USPL1: variants seen among roughly 807,000 people sequenced by gnomAD.
The protein encoded by USPL1 is SUMO-specific isopeptidase USPL1.
A neutral mutation model predicts 51.5 loss-of-function variants in USPL1; 27 were observed. That is an observed-to-expected ratio of 0.52 (90% CI 0.39 to 0.72). The LOEUF (loss-of-function observed/expected upper bound fraction) is 0.72. USPL1 is among the 30% of genes least tolerant of loss of function. The pLI is 0.00. For missense variants in USPL1, 1,226 were observed against 1,268.0 expected, an observed-to-expected ratio of 0.97 and a Z score of 0.50; for synonymous variants, 451 against 459.6, an observed-to-expected ratio of 0.98 and a Z score of 0.24.
At chr13:30,649,876 G>A (rs773451954) in intron 7 of USPL1, among the ~76,000 whole-genome samples, 1 of 152,264 alleles carries the variant, frequency 6.6e-6, no homozygotes, top group East Asian at 1.9e-4. Flanking sequence ...GATGTCTCTT[G>A]TTCTCTTTTG....
intron 7 of USPL1, among the ~76,000 whole-genome samples, chr13:30,650,303 A>C (rs1163313994): frequency 6.6e-6 from 1 of 152,070 alleles, no homozygotes; most frequent in Non-Finnish European, 1.5e-5. Flanking sequence ...CTGGCCGGGC[A>C]TGGTGGCTTA....
chr13:30,658,708 T>C lies in USPL1; in HGVS notation c.2631T>C (p.His877=), dbSNP rs1191702809. The C allele has an allele frequency of 1.9e-5, 31 of 1,614,074 alleles. No homozygotes were observed. Among genetic ancestry groups the C allele is most frequent in the Admixed American group, 1.2e-4 (7 of 60,000 alleles). ...GGAATGGTATTTCTTCAGCAAACCA[T>C]GAAGACTTGGTGGAAGGTCAGATTC... ...SYGNGISSAN[H]EDLVEGQIHK... Residue 877 remains histidine (H), a synonymous_variant, in exon 9 of 9, where the codon CAT becomes CAC. Coordinates refer to ENST00000255304, the MANE Select transcript of USPL1 (RefSeq NM_005800.5).
chr13:30,652,551 A>G (rs916666517), intron 7 of USPL1, among the ~76,000 whole-genome samples: 11 of 152,348 alleles, frequency 7.2e-5, no homozygotes, highest in African/African-American at 2.6e-4. Context: ...TTGAAATTAT[A>G]GTTGTCTTGA....
chr13:30,659,270 T>A lies in USPL1; in HGVS notation c.3193T>A (p.Phe1065Ile), dbSNP rs1042575951. Reference sequence around the variant, plus strand: ...GATGAAGACTGATATTTTCGATGAGTTTTTTTCCTCCTCAGCATTAAATGC... The same window carrying A: ...GATGAAGACTGATATTTTCGATGAGATTTTTTCCTCCTCAGCATTAAATGC... Reference protein sequence around the residue: ...SPMKTDIFDEFFSSSALNALA... With the variant: ...SPMKTDIFDEIFSSSALNALA... The change falls in exon 9 of 9, where the codon TTT (phenylalanine) becomes ATT (isoleucine). Residue 1065 changes from phenylalanine (F) to isoleucine (I), a missense_variant. Physicochemically the swap from Phe to Ile is conservative, Grantham distance 21 (BLOSUM62 0). Coordinates refer to ENST00000255304, the MANE Select transcript of USPL1 (RefSeq NM_005800.5). 4.3e-6 allele frequency: 7 copies of A among 1,613,976 alleles called. No homozygotes were observed. The African/African-American group carries it at 9.3e-5, about 22-fold the overall frequency.
chr13:30,659,584 T>G lies in USPL1; in HGVS notation c.*228T>G. 1 of 414,708 alleles carries G rather than the reference T, an allele frequency of 2.4e-6. No individual in the cohort carries two copies. The highest frequency in any genetic ancestry group is 4.1e-5 in the Admixed American group (1 of 24,492). 25.7% of individuals were successfully genotyped at this position (414,708 alleles called of 1,614,324 possible). On this transcript the variant is annotated 3_prime_UTR_variant, in exon 9 of 9. Coordinates refer to ENST00000255304, the MANE Select transcript of USPL1 (RefSeq NM_005800.5). ...TGGTTTCATTTTGTTCTTGTGAGAG[T>G]ATGAGGATTTCAAAATGTTAAAGAT...
intron 8 of USPL1, among the ~76,000 whole-genome samples, chr13:30,655,032 G>T (rs574371913): frequency 1.3e-5 from 2 of 151,562 alleles, no homozygotes; most frequent in South Asian, 2.1e-4. Context: ...TCTGCCTCCC[G>T]GGTTCAAGTG....
At position 30,653,315 on chromosome 13, in the gene USPL1, T is replaced by G; in HGVS notation, c.1396+10T>G. On this transcript the variant is annotated intron_variant, in intron 8 of 8. Transcript: ENST00000255304. ...ATTTTAGATGCTGATGGTAAGTGTT[T>G]AGAGGTTTTCTTTTAAGATAATTGG... The G allele has an allele frequency of 1.9e-6, 3 of 1,560,290 alleles. No individual in the cohort carries two copies. The highest frequency in any genetic ancestry group is 1.9e-5 in the Admixed American group (1 of 54,052).
chr13:30,640,805 C>A (rs540062924), intron 5 of USPL1, among the ~76,000 whole-genome samples: 1 of 152,268 alleles, frequency 6.6e-6, no homozygotes, highest in East Asian at 1.9e-4. Context: ...ATAGAATATG[C>A]TTAGGGTTAG....
intron 5 of USPL1, among the ~76,000 whole-genome samples, chr13:30,642,277 A>G (rs1168225219): frequency 3.6e-5 from 4 of 109,844 alleles, no homozygotes; most frequent in Non-Finnish European, 5.4e-5. Flanking sequence ...TTGTTTTAAT[A>G]TACTCTAAGG....
At chr13:30,641,369 T>A (rs1364152163) in intron 5 of USPL1, among the ~76,000 whole-genome samples, 1 of 152,264 alleles carries the variant, frequency 6.6e-6, no homozygotes, top group Admixed American at 6.5e-5. Flanking sequence ...AGTGAGGCTC[T>A]GTCCAGGGTA....
At chr13:30,621,316 T>A in intron 2 of USPL1, 77 bp downstream of exon 2, 4 of 1,094,466 alleles carry the variant, frequency 3.7e-6, no homozygotes, top group Non-Finnish European at 5.3e-6. Context: ...TCAATTTTGA[T>A]GTTACCAGTT....
intron 7 of USPL1, among the ~76,000 whole-genome samples, chr13:30,649,144 G>A (rs900674244): frequency 6.6e-6 from 1 of 152,198 alleles, no homozygotes; most frequent in African/African-American, 2.4e-5. Flanking sequence ...AATGGAAAAT[G>A]TGTTTTGAGT....
rs1245171134 is a variant in USPL1 at position 30,642,758 on chromosome 13, G to T, written c.1112+1G>T. On this transcript the variant is annotated splice_donor_variant, in intron 6 of 8. Coordinates refer to ENST00000255304, the MANE Select transcript of USPL1 (RefSeq NM_005800.5). LOFTEE classifies it high-confidence loss of function. Reference sequence around the variant, plus strand: ...AGTGTGGACACCAATATCAAAACAGGTTAGTTTCTTTTGTTTTTTAAAATG... The same window carrying T: ...AGTGTGGACACCAATATCAAAACAGTTTAGTTTCTTTTGTTTTTTAAAATG... The T allele has an allele frequency of 6.2e-7, 1 of 1,605,646 alleles. No individual in the cohort carries two copies. The highest frequency in any genetic ancestry group is 8.5e-7 in the Non-Finnish European group (1 of 1,177,802).
At chr13:30,618,971 G>C (rs1174707266) in intron 1 of USPL1, among the ~76,000 whole-genome samples, 1 of 152,130 alleles carries the variant, frequency 6.6e-6, no homozygotes, top group Non-Finnish European at 1.5e-5. Context: ...GAAAGAGGTA[G>C]AGATTTGAGA....
Position 30,621,130 on chromosome 13 carries a change from A to G in USPL1, c.-11A>G. On this transcript the variant is annotated 5_prime_UTR_variant, in exon 2 of 9. Coordinates refer to ENST00000255304, the MANE Select transcript of USPL1 (RefSeq NM_005800.5). ...ATGTCTCAAGTGACATAAATTAGCC[A>G]ATGACTCGGAATGATGGATTCTCCG... 1 of 1,601,868 alleles carries G rather than the reference A, an allele frequency of 6.2e-7. No individual in the cohort carries two copies. Among genetic ancestry groups the G allele is most frequent in the Non-Finnish European group, 8.5e-7 (1 of 1,175,922 alleles).
rs998452720 is a variant in USPL1 at position 30,659,311 on chromosome 13, A to G, written c.3234A>G (p.Thr1078=). The G allele has an allele frequency of 1.9e-6, 3 of 1,609,988 alleles. No homozygotes were observed. Among genetic ancestry groups the G allele is most frequent in the Admixed American group, 1.7e-5 (1 of 59,464 alleles). ...CATTAAATGCTTTAGCAAATGACACATTAGACCTACCTCATTTCGATGAAT... is the reference window on the plus strand; with the variant it reads ...CATTAAATGCTTTAGCAAATGACACGTTAGACCTACCTCATTTCGATGAAT... ...SSALNALAND[T]LDLPHFDEYL... is the part of the protein sequence containing the mutation. The change falls in exon 9 of 9, where the codon ACA becomes ACG. Residue 1078 remains threonine, a synonymous_variant. Coordinates refer to ENST00000255304, the MANE Select transcript of USPL1 (RefSeq NM_005800.5).
In USPL1 at chr13:30,657,793, A is replaced by G; in HGVS notation, c.1716A>G (p.Leu572=). 2 of 1,614,124 alleles carry G rather than the reference A, an allele frequency of 1.2e-6. No individual in the cohort carries two copies. Among genetic ancestry groups the G allele is most frequent in the Non-Finnish European group, 8.5e-7 (1 of 1,180,032 alleles). The change falls in exon 9 of 9, where the codon TTA becomes TTG. Residue 572 remains leucine, a synonymous_variant. Transcript: ENST00000255304. The part of the protein sequence containing the change: ...QDTAVTHGDH[L]LSGPKGLVDN... ...CAGCTGTAACTCATGGAGATCATTT[A>G]CTTTCAGGTCCAAAAGGTTTGGTTG...
chr13:30,652,451 A>G (rs954297163), intron 7 of USPL1, among the ~76,000 whole-genome samples: 5 of 152,210 alleles, frequency 3.3e-5, no homozygotes, highest in African/African-American at 9.6e-5. Context: ...TTTTTCTTAC[A>G]TCCTGAGAGC....
At position 30,657,768 on chromosome 13, in the gene USPL1, C is replaced by A; in HGVS notation, c.1691C>A (p.Thr564Lys). The A allele has an allele frequency of 6.2e-7, 1 of 1,614,176 alleles. No individual in the cohort carries two copies. The highest frequency in any genetic ancestry group is 1.1e-5 in the South Asian group (1 of 91,082). The change falls in exon 9 of 9, where the codon ACA (threonine) becomes AAA (lysine). Residue 564 changes from threonine (T) to lysine (K), a missense_variant. Coordinates refer to ENST00000255304, the MANE Select transcript of USPL1 (RefSeq NM_005800.5). ...SVAPRTLSQD[T>K]AVTHGDHLLS... Reference sequence around the variant, plus strand: ...GCCCCTCGTACTCTTTCACAGGACACAGCTGTAACTCATGGAGATCATTTA... The same window carrying A: ...GCCCCTCGTACTCTTTCACAGGACAAAGCTGTAACTCATGGAGATCATTTA...
Sources: gnomAD v4.1 joint callset for allele counts (sites outside exome capture counted in the v4.1 genomes callset) on GRCh38, gnomAD v4.1.1 for gene constraint, MANE v1.5 for transcripts, NCBI Gene and HGNC (gene_info 2026-07-23, HGNC 2026-07-21) for gene names.